Variants in HDAC4 observed in about 807,000 individuals in gnomAD.
The protein encoded by HDAC4 is histone deacetylase 4, also known as histone deacetylase A.
Under a neutral mutation model 135.1 loss-of-function variants are expected in HDAC4, and 16 were observed. The observed-to-expected ratio is 0.12, with a 90% CI of 0.08 to 0.18. The LOEUF is 0.18. Among genes scored for constraint, HDAC4 ranks in the 10% least tolerant of loss-of-function variants. HDAC4 has a pLI of 1.00. For synonymous variants in HDAC4, 685 were observed against 653.4 expected, an observed-to-expected ratio of 1.05 and a Z score of -0.74; for missense variants, 1,143 against 1,511.8, an observed-to-expected ratio of 0.76 and a Z score of 4.05.
At chr2:239,322,624 C>G (rs1368438870) in intron 2 of HDAC4, among the ~76,000 whole-genome samples, 1 of 152,200 alleles carries the variant, frequency 6.6e-6, no homozygotes, top group African/African-American at 2.4e-5. Flanking sequence ...GTGTGGTTCA[C>G]CAGTAGACCC....
At chr2:239,190,492 C>G (rs1418524461) in intron 3 of HDAC4, among the ~76,000 whole-genome samples, 1 of 152,234 alleles carries the variant, frequency 6.6e-6, no homozygotes, top group Admixed American at 6.5e-5. Flanking sequence ...GGCGCCAGGT[C>G]TCAGCCAGGA....
intron 1 of HDAC4, among the ~76,000 whole-genome samples, chr2:239,382,794 G>A (rs1383409367): frequency 5.3e-5 from 8 of 151,892 alleles, no homozygotes; most frequent in Non-Finnish European, 8.8e-5. Context: ...TTGCGGTCCC[G>A]GCTCACTGCA....
At chr2:239,161,905 T>C in intron 6 of HDAC4, 1 of 365,590 alleles carries the variant, frequency 2.7e-6, no homozygotes, top group Non-Finnish European at 5.4e-6. Context: ...TCTTCTCCCG[T>C]GGCCTCCTTG....
At chr2:239,075,039 C>T (rs532053668) in intron 22 of HDAC4, among the ~76,000 whole-genome samples, 7 of 151,770 alleles carry the variant, frequency 4.6e-5, no homozygotes, top group East Asian at 1.9e-4. Flanking sequence ...CTGGCTAACA[C>T]GGTGAAACCC....
chr2:239,370,260 C>G (rs1446917477), intron 1 of HDAC4, among the ~76,000 whole-genome samples: 1 of 152,198 alleles, frequency 6.6e-6, no homozygotes, highest in African/African-American at 2.4e-5. Flanking sequence ...GTCCAAAATG[C>G]TGCGCTGAGG....
intron 22 of HDAC4, among the ~76,000 whole-genome samples, chr2:239,075,223 C>CA (rs67188784): frequency 0.033 from 1,062 of 31,762 alleles, 168 homozygotes; most frequent in East Asian, 0.14. Flanking sequence ...GACTCCGTCT[C>CA]AAAAAAAAAA....
At chr2:239,239,649 C>T (rs59678713) in intron 2 of HDAC4, among the ~76,000 whole-genome samples, 17,882 of 152,262 alleles carry the variant, frequency 0.12, 1,187 homozygotes, top group Non-Finnish European at 0.15. Context: ...TCTTCCACCA[C>T]ACAGAGATGC....
intron 2 of HDAC4, among the ~76,000 whole-genome samples, chr2:239,334,466 AG>A (rs1391305550): frequency 6.6e-6 from 1 of 152,156 alleles, no homozygotes; most frequent in Admixed American, 6.5e-5. Flanking sequence ...GGTTGCAGTG[AG>A]TTGAGATTGT....
intron 6 of HDAC4, among the ~76,000 whole-genome samples, chr2:239,159,687 A>C (rs2042666100): frequency 6.6e-6 from 1 of 150,982 alleles, no homozygotes. Context: ...CCACACTCAC[A>C]CTCACCCCGG....
At chr2:239,253,648 C>A (rs2048903448) in intron 2 of HDAC4, among the ~76,000 whole-genome samples, 1 of 152,232 alleles carries the variant, frequency 6.6e-6, no homozygotes, top group Non-Finnish European at 1.5e-5. Flanking sequence ...TCGCTTCCCA[C>A]TGTAAGAACA....
chr2:239,382,254 T>C (rs1188179349), intron 1 of HDAC4, among the ~76,000 whole-genome samples: 1 of 152,254 alleles, frequency 6.6e-6, no homozygotes, highest in African/African-American at 2.4e-5. Flanking sequence ...ATAGAATTAA[T>C]GGATTCTTTA....
At chr2:239,339,635 T>A (rs10177619) in intron 2 of HDAC4, among the ~76,000 whole-genome samples, 82,006 of 152,066 alleles carry the variant, frequency 0.54, 22,397 homozygotes, top group African/African-American at 0.61. Context: ...GAGCAGAATC[T>A]TCCCAGAGAA....
At chr2:239,254,000 G>A (rs2048925044) in intron 2 of HDAC4, among the ~76,000 whole-genome samples, 1 of 152,186 alleles carries the variant, frequency 6.6e-6, no homozygotes, top group Admixed American at 6.5e-5. Flanking sequence ...CCAGGCCTGG[G>A]AAGCAATAGA....
At chr2:239,148,109 G>T (rs1020865649) in intron 7 of HDAC4, among the ~76,000 whole-genome samples, 6 of 152,232 alleles carry the variant, frequency 3.9e-5, no homozygotes, top group African/African-American at 1.4e-4. Context: ...TAGCATCAGA[G>T]AATGCACGCA....
intron 3 of HDAC4, among the ~76,000 whole-genome samples, chr2:239,232,613 GCCAAGGGTGGCCCTT>G (rs2047645374): frequency 3.3e-5 from 4 of 120,422 alleles, no homozygotes; most frequent in Admixed American, 8.6e-5. Context: ...CCCTCACCAA[GCCAAGGGTGGCCCTT>G]CCCCTCACCA....
At chr2:239,202,422 C>T (rs550537889) in intron 3 of HDAC4, among the ~76,000 whole-genome samples, 28 of 152,156 alleles carry the variant, frequency 1.8e-4, no homozygotes, top group Admixed American at 3.3e-4. Flanking sequence ...GTGGACGGGG[C>T]GTAGACTTGG....
chr2:239,298,863 A>ATTT (rs35449811), intron 2 of HDAC4, among the ~76,000 whole-genome samples: 2,451 of 82,986 alleles, frequency 0.03, 309 homozygotes, highest in African/African-American at 0.087. Context: ...GCCATAGCCT[A>ATTT]TTTTTTTTTT....
intron 24 of HDAC4, among the ~76,000 whole-genome samples, chr2:239,055,699 AGAGT>A (rs2031721297): frequency 6.6e-6 from 1 of 151,256 alleles, no homozygotes; most frequent in East Asian, 1.9e-4. Context: ...CCTGGGCAAC[AGAGT>A]GAGACCCTGT....
chr2:239,149,585 C>G (rs1016127530), intron 7 of HDAC4, among the ~76,000 whole-genome samples: 2 of 152,138 alleles, frequency 1.3e-5, no homozygotes, highest in African/African-American at 4.8e-5. Flanking sequence ...AACCGCCTCA[C>G]GTGCCCTGCG....
Sources: gnomAD v4.1 joint callset for allele counts (sites outside exome capture counted in the v4.1 genomes callset) on GRCh38, gnomAD v4.1.1 for gene constraint, MANE v1.5 for transcripts, NCBI Gene and HGNC (gene_info 2026-07-23, HGNC 2026-07-21) for gene names.